ATF7IP2: variants seen among roughly 807,000 people sequenced by gnomAD.
ATF7IP2 encodes the protein activating transcription factor 7 interacting protein 2.
ATF7IP2 carries 42 observed loss-of-function variants against 64.2 expected under a neutral mutation model. That is an observed-to-expected ratio of 0.65 (90% CI 0.51 to 0.85). The LOEUF is 0.85. Among genes scored for constraint, ATF7IP2 ranks in the 40% least tolerant of loss-of-function variants. The probability of loss-of-function intolerance (pLI) is 0.00; values close to 1 mark genes in which losing one functional copy is unlikely to be tolerated. For missense variants in ATF7IP2, 933 were observed against 784.2 expected (o/e 1.19, Z -2.27); for synonymous variants, 308 against 272.8 (o/e 1.13, Z -1.27).
rs1176876808 is a variant in ATF7IP2, at chr16:10,431,106, T to G, written c.486T>G (p.Cys162Trp). 9 of 1,614,176 alleles carry G rather than the reference T, an allele frequency of 5.6e-6. No individual in the cohort carries two copies. Among genetic ancestry groups the G allele is most frequent in the Non-Finnish European group, 7.6e-6 (9 of 1,180,030 alleles). ...CCCTTTTTGAGCATGAGGGGGCTTGTAGTCTAAAGTCCAGTTGCTGTCCAC... is the reference window on the plus strand; with the variant it reads ...CCCTTTTTGAGCATGAGGGGGCTTGGAGTCTAAAGTCCAGTTGCTGTCCAC... ...TRSLFEHEGA[C>W]SLKSSCCPPS... Residue 162 changes from cysteine (C) to tryptophan (W), a missense_variant, in exon 5 of 14, where the codon TGT (cysteine) becomes TGG (tryptophan). Physicochemically the swap from Cys to Trp is radical, Grantham distance 215. Transcript: ENST00000562102.
chr16:10,423,926 A>T (rs2141849852), intron 3 of ATF7IP2, among the ~76,000 whole-genome samples: 2 of 152,324 alleles, frequency 1.3e-5, no homozygotes, highest in South Asian at 4.1e-4. Context: ...GTTCCGGCAC[A>T]CGCATAGAAA....
intron 1 of ATF7IP2, among the ~76,000 whole-genome samples, chr16:10,408,763 T>G (rs113233429): frequency 3.9e-5 from 6 of 152,370 alleles, no homozygotes; most frequent in African/African-American, 1.2e-4. Flanking sequence ...GTATAGGTTA[T>G]AAAGATTTTC....
rs1005817574 is a variant in ATF7IP2 at position 10,387,804 on chromosome 16, T to A, written c.-242+1682T>A. 5.6e-4 allele frequency: 85 copies of A among 150,636 alleles called. 1 individual carries two copies. The highest frequency in any genetic ancestry group is 1.9e-3 in the African/African-American group (76 of 40,756). 9.3% of individuals were successfully genotyped at this position (150,636 alleles called of 1,614,324 possible). A position where few individuals can be genotyped will look rare whatever the true frequency, so the allele number is the denominator to read the frequency against. ...ATACCAAAAAATCTTATTCTCTCAT[T>A]CTATGTCAGTCTATTTTACTCCCCC... is the stretch of plus-strand genomic sequence containing the variant. On this transcript the variant is annotated intron_variant, in intron 1 of 13. Transcript: ENST00000562102.
intron 1 of ATF7IP2, among the ~76,000 whole-genome samples, chr16:10,391,219 G>A (rs538415005): frequency 4.0e-5 from 6 of 151,706 alleles, no homozygotes; most frequent in African/African-American, 1.5e-4. Flanking sequence ...ACTTTGGGAG[G>A]CTGAGGTGGG....
chr16:10,402,367 A>G (rs1282959659), intron 1 of ATF7IP2, among the ~76,000 whole-genome samples: 2 of 152,122 alleles, frequency 1.3e-5, no homozygotes, highest in East Asian at 1.9e-4. Flanking sequence ...TTGAATTTCC[A>G]TATATTTTTA....
rs1190221163 is a variant in ATF7IP2 at position 10,440,301 on chromosome 16, T to C, written c.1096-63T>C. The C allele has an allele frequency of 3.9e-6, 3 of 760,660 alleles. No individual in the cohort carries two copies. In the East Asian group the frequency reaches 8.7e-5, roughly 22 times the overall value. The allele number at this position is 760,660 out of a possible 1,614,324, so 47.1% of individuals were successfully genotyped here. ...AACTACTTTGGCAAATAATTTACCC[T>C]CTATCTCTATGTGATATATAGTACT... On this transcript the variant is annotated intron_variant, in intron 7 of 13. Transcript: ENST00000562102.
At chr16:10,426,696 G>A (rs2048092556) in intron 3 of ATF7IP2, among the ~76,000 whole-genome samples, 1 of 152,072 alleles carries the variant, frequency 6.6e-6, no homozygotes, top group Non-Finnish European at 1.5e-5. Context: ...ATGGAGTAGA[G>A]AAGGATGTCA....
At chr16:10,388,736 C>T (rs1313299901) in intron 1 of ATF7IP2, among the ~76,000 whole-genome samples, 3 of 152,136 alleles carry the variant, frequency 2.0e-5, no homozygotes, top group Admixed American at 6.6e-5. Context: ...GTAGGCCGGG[C>T]GCGGTGGCTC....
chr16:10,430,581 T>C (rs1049416921), intron 4 of ATF7IP2, 30 bp from the exon 5 acceptor site: 2 of 1,384,944 alleles, frequency 1.4e-6, no homozygotes, highest in East Asian at 4.7e-5. Context: ...ACTAGAGAAA[T>C]GCATTTAAAT....
At chr16:10,457,657 T>A (rs2049226654) in intron 9 of ATF7IP2, 128 bp downstream of exon 9, 3 of 772,004 alleles carry the variant, frequency 3.9e-6, no homozygotes, top group Non-Finnish European at 5.7e-6. Flanking sequence ...TCCTATAGTT[T>A]TACTTTTACA....
At chr16:10,472,642 G>C (rs1334404262) in intron 10 of ATF7IP2, among the ~76,000 whole-genome samples, 1 of 152,040 alleles carries the variant, frequency 6.6e-6, no homozygotes, top group Non-Finnish European at 1.5e-5. Flanking sequence ...GATCACCTGA[G>C]GTCAGGAGTT....
In ATF7IP2 at chr16:10,430,966, T is replaced by C. The variant is rs1256143736; in HGVS notation, c.346T>C (p.Tyr116His). Residue 116 changes from tyrosine to histidine, a missense_variant, in exon 5 of 14, where the codon TAC becomes CAC. Tyr to His is a moderately conservative substitution (Grantham distance 83, BLOSUM62 2). Coordinates refer to ENST00000562102, the MANE Select transcript of ATF7IP2 (RefSeq NM_001393719.1). ...ETKLEQVVCSYQKPSRTTESP... is the reference protein window; with the variant it reads ...ETKLEQVVCSHQKPSRTTESP... ...AAAATTGGAACAAGTTGTTTGTTCG[T>C]ACCAAAAGCCAAGTAGAACAACAGA... is the stretch of plus-strand genomic sequence containing the variant. The C allele has an allele frequency of 6.2e-7, 1 of 1,614,020 alleles. No homozygotes were observed. The highest frequency in any genetic ancestry group is 1.7e-5 in the Admixed American group (1 of 60,010).
intron 12 of ATF7IP2, among the ~76,000 whole-genome samples, chr16:10,479,522 G>A (rs1254961886): frequency 6.6e-6 from 1 of 151,862 alleles, no homozygotes; most frequent in African/African-American, 2.4e-5. Flanking sequence ...GAGTGGGGAG[G>A]GATAGCATTA....
rs1339711225 is a variant in ATF7IP2, at chr16:10,473,471, T to C, written c.1427-8T>C. 6.5e-7 allele frequency: 1 copy of C among 1,536,476 alleles called. No individual in the cohort carries two copies. Among genetic ancestry groups the C allele is most frequent in the Non-Finnish European group, 9.0e-7 (1 of 1,115,096 alleles). ...TAATAAATTTGTCAAATGTCTAATT[T>C]CTTTCAGATACCAGAAAAATTACAT... On this transcript the variant is annotated splice_region_variant and splice_polypyrimidine_tract_variant and intron_variant, in intron 10 of 13. Transcript: ENST00000562102.
At chr16:10,460,838 T>A (rs951474243) in intron 9 of ATF7IP2, among the ~76,000 whole-genome samples, 2 of 152,158 alleles carry the variant, frequency 1.3e-5, no homozygotes, top group African/African-American at 4.8e-5. Flanking sequence ...AATTGATTAA[T>A]TTTACCACAT....
intron 9 of ATF7IP2, among the ~76,000 whole-genome samples, chr16:10,464,824 C>CTGTTGTTGATGT (rs144240949): frequency 6.6e-6 from 1 of 152,114 alleles, no homozygotes; most frequent in African/African-American, 2.4e-5. Flanking sequence ...TTTGTTGCTG[C>CTGTTGTTGATGT]TGTTGTTGAT....
At chr16:10,399,810 G>T (rs1344860826) in intron 1 of ATF7IP2, among the ~76,000 whole-genome samples, 1 of 152,144 alleles carries the variant, frequency 6.6e-6, no homozygotes, top group African/African-American at 2.4e-5. Context: ...TAATTCTCCT[G>T]ATCAGTGAGC....
At chr16:10,464,888 G>A (rs1005741010) in intron 9 of ATF7IP2, among the ~76,000 whole-genome samples, 4 of 152,154 alleles carry the variant, frequency 2.6e-5, no homozygotes, top group African/African-American at 7.2e-5. Flanking sequence ...GGAGTGCAAC[G>A]GCACGATCTC....
intron 8 of ATF7IP2, chr16:10,448,773 C>G (rs754696229): frequency 1.6e-4 from 25 of 152,260 alleles, no homozygotes; most frequent in Non-Finnish European, 7.4e-5. Context: ...ATTTGACTTC[C>G]TCTCTTCTTA....
Sources: gnomAD v4.1 joint callset for allele counts (sites outside exome capture counted in the v4.1 genomes callset) on GRCh38, gnomAD v4.1.1 for gene constraint, MANE v1.5 for transcripts, NCBI Gene and HGNC (gene_info 2026-07-23, HGNC 2026-07-21) for gene names.